Variants in SBNO2 observed in about 807,000 individuals in gnomAD.
SBNO2 encodes protein strawberry notch homolog 2.
A neutral mutation model predicts 146.3 loss-of-function variants in SBNO2; 89 were observed. The ratio of observed to expected loss-of-function variants is 0.61; its 90% CI spans 0.51 to 0.73. The LOEUF (loss-of-function observed/expected upper bound fraction) is 0.73, where lower values mean the gene tolerates loss of function less well. Among genes scored for constraint, SBNO2 ranks in the 30% least tolerant of loss-of-function variants. The pLI, the probability that SBNO2 is intolerant of heterozygous loss-of-function variation, is 0.00. For missense variants in SBNO2, 2,092 were observed against 2,003.7 expected (o/e 1.04, Z -0.84); for synonymous variants, 1,147 against 892.6 (o/e 1.29, Z -5.08).
intron 1 of SBNO2, among the ~76,000 whole-genome samples, chr19:1,160,357 C>A (rs1411786923): frequency 1.3e-5 from 2 of 152,236 alleles, no homozygotes; most frequent in Non-Finnish European, 2.9e-5. Flanking sequence ...CTCCCACACC[C>A]CTGCCCAGGC....
In SBNO2 at chr19:1,108,569, C is replaced by T. The variant is rs544160705; in HGVS notation, c.3752G>A (p.Cys1251Tyr). ...PPAPRPLALPCGPGEVLDLTY... is the reference protein window; with the variant it reads ...PPAPRPLALPYGPGEVLDLTY... ...GAGGTCCAGCACCTCTCCGGGGCCG[C>T]AAGGCAGCGCCAGCGGGCGCGGGGC... Residue 1251 changes from cysteine to tyrosine, a missense_variant, in exon 32 of 32, where the codon TGC (cysteine) becomes TAC (tyrosine). Cys to Tyr is a radical substitution (Grantham distance 194). Transcript: ENST00000361757. 9.0e-6 allele frequency: 11 copies of T among 1,221,598 alleles called. No individual in the cohort carries two copies. In the African/African-American group the frequency reaches 1.6e-4, roughly 18 times the overall value. 75.7% of individuals were successfully genotyped at this position (1,221,598 alleles called of 1,614,324 possible). A position where few individuals can be genotyped will look rare whatever the true frequency, so the allele number is the denominator to read the frequency against.
rs1021448924 is a variant in SBNO2, at chr19:1,126,896, C to T, written c.441+708G>A. 3.3e-5 allele frequency among the ~76,000 whole-genome samples: 5 copies of T among 152,204 alleles called. No homozygotes were observed. The highest frequency in any genetic ancestry group is 2.6e-4 in the Admixed American group (4 of 15,276). On this transcript the variant is annotated intron_variant, in intron 5 of 31. Coordinates refer to ENST00000361757, the MANE Select transcript of SBNO2 (RefSeq NM_014963.3). The surrounding 1 kb of genome is among the most constrained non-coding windows in gnomAD (Gnocchi z 4.4). The stretch of plus-strand genomic sequence containing the variant: ...ACCTCCACTGAGTCGCACTGGGGCA[C>T]GGCTAGAGGCTAGGCCCGAAGAACC...
At position 1,108,563 on chromosome 19, in the gene SBNO2, G is replaced by A; in HGVS notation, c.3758C>T (p.Pro1253Leu). Reference protein sequence around the residue: ...APRPLALPCGPGEVLDLTYSP... With the variant: ...APRPLALPCGLGEVLDLTYSP... ...GTAGGTGAGGTCCAGCACCTCTCCG[G>A]GGCCGCAAGGCAGCGCCAGCGGGCG... is the stretch of plus-strand genomic sequence containing the variant. Residue 1253 changes from proline to leucine, a missense_variant, in exon 32 of 32, where the codon CCC (proline) becomes CTC (leucine). Physicochemically the swap from Pro to Leu is moderately conservative, Grantham distance 98 (BLOSUM62 -3). Coordinates refer to ENST00000361757, the MANE Select transcript of SBNO2 (RefSeq NM_014963.3). The A allele has an allele frequency of 1.6e-6, 2 of 1,250,566 alleles. No homozygotes were observed. The highest frequency in any genetic ancestry group is 2.0e-6 in the Non-Finnish European group (2 of 999,154). The allele number at this position is 1,250,566 out of a possible 1,614,324, so 77.5% of individuals were successfully genotyped here.
In SBNO2 at chr19:1,108,854, CGGCGGCGATGCG is replaced by C; in HGVS notation, c.3529_3540del (p.Arg1177_Ala1180del). On this transcript the variant is annotated inframe_deletion, in exon 31 of 32. Transcript: ENST00000361757. ...CTGCTGCTGCTGACGTCGGCCATGA[CGGCGGCGATGCG>C]GCCCCACACGCGCAGCAGCGCGCCG... 6.3e-7 allele frequency: 1 copy of C among 1,597,286 alleles called. No individual in the cohort carries two copies. The highest frequency in any genetic ancestry group is 8.5e-7 in the Non-Finnish European group (1 of 1,177,618).
chr19:1,153,528 C>T (rs1052734014), intron 2 of SBNO2, among the ~76,000 whole-genome samples: 2 of 151,170 alleles, frequency 1.3e-5, no homozygotes, highest in Non-Finnish European at 2.9e-5. Context: ...CGTGAGCCAC[C>T]GTGCCAGGCC....
intron 1 of SBNO2, among the ~76,000 whole-genome samples, chr19:1,172,782 C>CG (rs1568659725): frequency 2.4e-5 from 2 of 84,414 alleles, no homozygotes; most frequent in African/African-American, 1.2e-4. Flanking sequence ...GCAACCGCCC[C>CG]CCCCGCCCCG....
chr19:1,130,342 G>A (rs535571030), intron 4 of SBNO2, among the ~76,000 whole-genome samples: 9 of 152,156 alleles, frequency 5.9e-5, no homozygotes, highest in Non-Finnish European at 1.0e-4. Context: ...AGTTTGAAAA[G>A]TTAAAGTCAA....
chr19:1,165,973 AT>A (rs2080415670), intron 1 of SBNO2, among the ~76,000 whole-genome samples: 3 of 119,564 alleles, frequency 2.5e-5, no homozygotes, highest in Non-Finnish European at 1.8e-5. Flanking sequence ...CAGATCCCAG[AT>A]CCCAGACCGC....
chr19:1,118,441 G>A (rs1277796287), intron 14 of SBNO2, among the ~76,000 whole-genome samples: 1 of 152,228 alleles, frequency 6.6e-6, no homozygotes, highest in Non-Finnish European at 1.5e-5. Context: ...AAGCCACATG[G>A]CCCACAGCAA....
chr19:1,127,848 G>T, intron 4 of SBNO2, 83 bp from the exon 5 acceptor site: 1 of 1,297,170 alleles, frequency 7.7e-7, no homozygotes, highest in Non-Finnish European at 1.1e-6. Context: ...GGGGATGGGA[G>T]ACACCACGGC....
chr19:1,173,485 A>G lies in SBNO2; in HGVS notation c.-127+687T>C, dbSNP rs1214042601. 6.6e-6 allele frequency among the ~76,000 whole-genome samples: 1 copy of G among 152,166 alleles called. No homozygotes were observed. The highest frequency in any genetic ancestry group is 2.4e-5 in the African/African-American group (1 of 41,444). On this transcript the variant is annotated intron_variant, in intron 1 of 31. Coordinates refer to ENST00000361757, the MANE Select transcript of SBNO2 (RefSeq NM_014963.3). This position sits in a 1 kb window ranked among gnomAD's most constrained non-coding sequence, Gnocchi z 4.7. The stretch of plus-strand genomic sequence containing the variant: ...CCATCTGCCCCAGAAGAGAAGTCGG[A>G]GGCCCCAGGAGCGGGAGGGGCGGGG...
chr19:1,115,592 G>A lies in SBNO2; in HGVS notation c.1885+429C>T, dbSNP rs572389720. The A allele has an allele frequency of 1.8e-4, 43 of 232,432 alleles. No individual in the cohort carries two copies. In the South Asian group the frequency reaches 2.3e-3, roughly 12 times the overall value. 14.4% of individuals were successfully genotyped at this position (232,432 alleles called of 1,614,324 possible). ...TCCAACGTCCTTTCAGGCCTGGCCA[G>A]TATGGTGGACACGCGGGGTGCCTGG... On this transcript the variant is annotated intron_variant, in intron 17 of 31. Transcript: ENST00000361757.
intron 4 of SBNO2, among the ~76,000 whole-genome samples, chr19:1,130,983 A>G (rs1459911980): frequency 6.6e-6 from 1 of 152,086 alleles, no homozygotes; most frequent in African/African-American, 2.4e-5. Context: ...GGACAGAGGG[A>G]GACGGGGTTC....
Position 1,109,452 on chromosome 19 carries a change from C to G in SBNO2, c.3217-29G>C. 1 of 1,564,234 alleles carries G rather than the reference C, an allele frequency of 6.4e-7. No homozygotes were observed. Among genetic ancestry groups the G allele is most frequent in the Non-Finnish European group, 8.7e-7 (1 of 1,155,718 alleles). On this transcript the variant is annotated intron_variant, in intron 28 of 31. Transcript: ENST00000361757. This position sits in a 1 kb window ranked among gnomAD's most constrained non-coding sequence, Gnocchi z 4.2. ...CGGAGGGGGGCGTTGAGGCCGCGCC[C>G]CGGTCCGCCCCCCGCGGGCCCTCCT...
rs1435926904 is a variant in SBNO2, at chr19:1,108,296, G to GCGCCCCC, written c.4018_4024dup (p.Ala1342GlyfsTer32). 1.0e-5 allele frequency: 15 copies of GCGCCCCC among 1,492,050 alleles called. No individual in the cohort carries two copies. Among genetic ancestry groups the GCGCCCCC allele is most frequent in the Non-Finnish European group, 1.3e-5 (15 of 1,117,540 alleles). The allele number at this position is 1,492,050 out of a possible 1,614,324, so 92.4% of individuals were successfully genotyped here. ...CTGCCGCTCGGGACCACCGCCCGCC[G>GCGCCCCC]CGCCCCCCGCCCCCGCGCCCTCCCC... On this transcript the variant is annotated frameshift_variant, in exon 32 of 32. Coordinates refer to ENST00000361757, the MANE Select transcript of SBNO2 (RefSeq NM_014963.3). LOFTEE classifies it high-confidence loss of function.
intron 17 of SBNO2, 113 bp from the exon 18 acceptor site, chr19:1,114,535 C>T: frequency 1.2e-6 from 1 of 848,904 alleles, no homozygotes. Context: ...GGAGGTCCAT[C>T]CGAGAACCCC....
At position 1,140,276 on chromosome 19, in the gene SBNO2, G is replaced by A. The variant is rs1382092512; in HGVS notation, c.279+7033C>T. Among the ~76,000 whole-genome samples, 2 of 151,826 alleles carry A rather than the reference G, an allele frequency of 1.3e-5. No individual in the cohort carries two copies. Among genetic ancestry groups the A allele is most frequent in the African/African-American group, 4.8e-5 (2 of 41,344 alleles). On this transcript the variant is annotated intron_variant, in intron 4 of 31. Transcript: ENST00000361757. The surrounding 1 kb of genome is among the most constrained non-coding windows in gnomAD (Gnocchi z 4.4). ...GGTCACGCCACTGCACTCCAGCCTG[G>A]GCGACAGAGCGAGATTTCATCTCAA...
chr19:1,110,711 C>A lies in SBNO2; in HGVS notation c.3028+34G>T. On this transcript the variant is annotated intron_variant, in intron 26 of 31. Transcript: ENST00000361757. The surrounding 1 kb of genome is among the most constrained non-coding windows in gnomAD (Gnocchi z 4.9). The stretch of plus-strand genomic sequence containing the variant: ...CGTTCCCACGAGCCCCGCACCCACA[C>A]CCACCCACACCACACCCCGGCACCT... 1.9e-6 allele frequency: 3 copies of A among 1,611,060 alleles called. No individual in the cohort carries two copies. Among genetic ancestry groups the A allele is most frequent in the South Asian group, 2.2e-5 (2 of 90,918 alleles).
intron 4 of SBNO2, chr19:1,128,118 G>A (rs918441294): frequency 8.7e-5 from 44 of 505,692 alleles, no homozygotes; most frequent in African/African-American, 1.9e-4. Context: ...GTGACAGAGC[G>A]AGAGAGTGAG....
Sources: gnomAD v4.1 joint callset for allele counts (sites outside exome capture counted in the v4.1 genomes callset) on GRCh38, gnomAD v4.1.1 for gene constraint, Gnocchi (gnomAD v3.1) non-coding constraint, MANE v1.5 for transcripts, NCBI Gene and HGNC (gene_info 2026-07-23, HGNC 2026-07-21) for gene names.